MYO15B: variants seen among roughly 807,000 people sequenced by gnomAD.
The protein encoded by MYO15B is myosin XVB pseudogene.
MYO15B carries 207 observed loss-of-function variants against 119.3 expected under a neutral mutation model. The observed-to-expected ratio is 1.73, with a 90% CI of 1.55 to 1.95. MYO15B has a LOEUF of 1.95. MYO15B is among the 30% of genes most tolerant of loss of function. MYO15B has a pLI of 0.00. For synonymous variants in MYO15B, 966 were observed against 498.9 expected, an observed-to-expected ratio of 1.94 and a Z score of -12.48; for missense variants, 2,264 against 1,203.1, an observed-to-expected ratio of 1.88 and a Z score of -13.04.
chr17:75,617,970 G>A (rs890991692), intron 42 of MYO15B, 48 bp downstream of exon 42: 7 of 696,936 alleles, frequency 1.0e-5, no homozygotes, highest in African/African-American at 1.7e-5. Flanking sequence ...GGCTGGCAGG[G>A]AGGCGGCAGG....
At chr17:75,588,765 C>T in exon 1 of MYO15B, 1 of 398,738 alleles carries the variant, frequency 2.5e-6, no homozygotes, top group East Asian at 3.6e-5. Flanking sequence ...GCGAGCATTC[C>T]GGCGGGGACT....
At chr17:75,607,356 T>C (rs780391193) in intron 21 of MYO15B, among the ~76,000 whole-genome samples, 1 of 152,024 alleles carries the variant, frequency 6.6e-6, no homozygotes, top group Non-Finnish European at 1.5e-5. Context: ...TCACTTAACA[T>C]AATGTTTCAA....
intron 15 of MYO15B, among the ~76,000 whole-genome samples, chr17:75,601,907 G>C (rs972804300): frequency 2.6e-5 from 4 of 152,250 alleles, no homozygotes; most frequent in African/African-American, 9.6e-5. Context: ...GTTGCTGTGA[G>C]GGTGAGATGT....
At chr17:75,622,229 C>T in intron 53 of MYO15B, 149 bp downstream of exon 53, 1 of 623,988 alleles carries the variant, frequency 1.6e-6, no homozygotes. Flanking sequence ...GGCTGTGAAG[C>T]CAACAGGCTA....
At chr17:75,590,576 A>G (rs1215015110) in intron 1 of MYO15B, 50 bp from the exon 2 acceptor site, 3 of 275,908 alleles carry the variant, frequency 1.1e-5, no homozygotes, top group African/African-American at 6.6e-5. Context: ...ACTAACCCAC[A>G]ACCTCCTGCA....
In MYO15B at chr17:75,613,011, G is replaced by A; in HGVS notation, c.4769G>A (p.Trp1590Ter). The A allele has an allele frequency of 1.4e-6, 1 of 695,868 alleles. No homozygotes were observed. The allele number at this position is 695,868 out of a possible 1,614,324, so 43.1% of individuals were successfully genotyped here. The change falls in exon 27 of 64, where the codon TGG (tryptophan) becomes TAG (stop). Residue 1590 changes from tryptophan (W) to a stop codon, truncating the protein, a stop_gained. Coordinates refer to ENST00000645453, the Ensembl canonical transcript of MYO15B. LOFTEE classifies it high-confidence loss of function. Reference sequence around the variant, plus strand: ...CTGGGGGACGGATCCCTGGAGTCCTGGCAGAGGCAGATCATGGGCGCATAC... The same window carrying A: ...CTGGGGGACGGATCCCTGGAGTCCTAGCAGAGGCAGATCATGGGCGCATAC...
Position 75,589,350 on chromosome 17 carries a change from AG to A in MYO15B, c.1296del (p.Arg433GlyfsTer65). On this transcript the variant is annotated frameshift_variant, in exon 1 of 64. Transcript: ENST00000645453. LOFTEE classifies it high-confidence loss of function. The surrounding 1 kb of genome is among the most constrained non-coding windows in gnomAD (Gnocchi z 4.2). Reference sequence around the variant, plus strand: ...GGCGGGGCCGCGGGAAAGCGGATGAAGGGCGGGGCCACGAGCGAGGGGACGA... The same window carrying A: ...GGCGGGGCCGCGGGAAAGCGGATGAAGGCGGGGCCACGAGCGAGGGGACGA... 4.0e-6 allele frequency: 1 copy of A among 251,298 alleles called. No homozygotes were observed. The highest frequency in any genetic ancestry group is 9.5e-4 in the Middle Eastern group (1 of 1,054). The allele number at this position is 251,298 out of a possible 1,614,324, so 15.6% of individuals were successfully genotyped here.
At chr17:75,618,765 T>C (rs2058528636) in intron 43 of MYO15B, among the ~76,000 whole-genome samples, 1 of 142,620 alleles carries the variant, frequency 7.0e-6, no homozygotes, top group African/African-American at 2.5e-5. Flanking sequence ...TAATAAATGG[T>C]TGTCACTTTG....
At chr17:75,615,005 G>A (rs1232712752) in exon 33 of MYO15B, 7 of 702,892 alleles carry the variant, frequency 1.0e-5, no homozygotes, top group Non-Finnish European at 1.8e-5. Flanking sequence ...TGAAGGGAGG[G>A]GGCGCCATTG....
At chr17:75,617,217 C>T (rs2058428008) in exon 41 of MYO15B, 1 of 698,208 alleles carries the variant, frequency 1.4e-6, no homozygotes, top group Non-Finnish European at 2.6e-6. Flanking sequence ...TGGCCAGAAG[C>T]TGCCTATTGC....
At position 75,616,550 on chromosome 17, in the gene MYO15B, G is replaced by C. The variant is rs768856110; in HGVS notation, c.6271G>C (p.Val2091Leu). The change falls in exon 39 of 64, where the codon GTG (valine) becomes CTG (leucine). Residue 2091 changes from valine (V) to leucine (L), a missense_variant. Val to Leu is a conservative substitution (Grantham distance 32). Transcript: ENST00000645453. ...GCCGTCCCCTCCTCCTCCCCCCATCGTGAAGAAGCCATTGAAGCAAGGTGG... is the reference window on the plus strand; with the variant it reads ...GCCGTCCCCTCCTCCTCCCCCCATCCTGAAGAAGCCATTGAAGCAAGGTGG... 13 of 702,846 alleles carry C rather than the reference G, an allele frequency of 1.8e-5. No individual in the cohort carries two copies. The East Asian group carries it at 3.2e-4, about 17-fold the overall frequency. 43.5% of individuals were successfully genotyped at this position (702,846 alleles called of 1,614,324 possible). A position where few individuals can be genotyped will look rare whatever the true frequency, so the allele number is the denominator to read the frequency against.
At chr17:75,605,422 G>GC (rs1228065586) in intron 19 of MYO15B, 82 bp from the exon 20 acceptor site, 7 of 641,096 alleles carry the variant, frequency 1.1e-5, no homozygotes, top group Non-Finnish European at 1.9e-5. Context: ...GGGCAAAAGA[G>GC]CGAGACTCCG....
In MYO15B at chr17:75,620,039, T is replaced by C. The variant is rs1200556468; in HGVS notation, c.7443+19T>C. 4.3e-6 allele frequency: 3 copies of C among 693,662 alleles called. No homozygotes were observed. In the African/African-American group the frequency reaches 5.3e-5, roughly 12 times the overall value. 43.0% of individuals were successfully genotyped at this position (693,662 alleles called of 1,614,324 possible). A position where few individuals can be genotyped will look rare whatever the true frequency, so the allele number is the denominator to read the frequency against. ...TAAGAAGGTAAGTGTGGGGCACGGG[T>C]TGAGAGGCCGGGCAGACAGCCCTCA... is the stretch of plus-strand genomic sequence containing the variant. On this transcript the variant is annotated intron_variant, in intron 47 of 63. Transcript: ENST00000645453.
At chr17:75,613,125 A>G (rs771296071) in exon 27 of MYO15B, 1 of 702,736 alleles carries the variant, frequency 1.4e-6, no homozygotes, top group South Asian at 1.5e-5. Context: ...CCAGATGAAC[A>G]GCAGAGCCAG....
At position 75,616,618 on chromosome 17, in the gene MYO15B, G is replaced by GACAGTGGC; in HGVS notation, c.6343_6344insTGGCACAG (p.Ala2115ValfsTer64). The stretch of plus-strand genomic sequence containing the variant: ...AGGCTGAGGCTGAGCCAGCCAAGGA[G>GACAGTGGC]ACAGCGGCCAAGGGCCATGGCCAAG... On this transcript the variant is annotated frameshift_variant, in exon 39 of 64. Transcript: ENST00000645453. LOFTEE classifies it high-confidence loss of function. The GACAGTGGC allele has an allele frequency of 1.4e-6, 1 of 703,066 alleles. No individual in the cohort carries two copies. Among genetic ancestry groups the GACAGTGGC allele is most frequent in the Non-Finnish European group, 2.6e-6 (1 of 385,030 alleles). 43.6% of individuals were successfully genotyped at this position (703,066 alleles called of 1,614,324 possible).
intron 41 of MYO15B, 82 bp from the exon 42 acceptor site, chr17:75,617,728 A>C: frequency 3.2e-6 from 2 of 634,414 alleles, no homozygotes; most frequent in South Asian, 3.5e-5. Context: ...GCTCGTGGGG[A>C]TGAAGGTCTT....
At chr17:75,617,286 C>T (rs1448827038) in exon 41 of MYO15B, 1 of 650,672 alleles carries the variant, frequency 1.5e-6, no homozygotes, top group Admixed American at 2.6e-5. Context: ...CCCAGGGACC[C>T]TTTCAGCAGA....
At chr17:75,621,440 T>C (rs755188750) in intron 51 of MYO15B, 32 bp downstream of exon 51, 1 of 698,970 alleles carries the variant, frequency 1.4e-6, no homozygotes. Context: ...GTCTGGCCCG[T>C]AGATCTGCCC....
intron 53 of MYO15B, among the ~76,000 whole-genome samples, chr17:75,622,750 G>A (rs1300773100): frequency 6.6e-6 from 1 of 152,170 alleles, no homozygotes; most frequent in Non-Finnish European, 1.5e-5. Context: ...AGCAGAGTGT[G>A]CTGACCAATT....
Sources: gnomAD v4.1 joint callset for allele counts (sites outside exome capture counted in the v4.1 genomes callset) on GRCh38, gnomAD v4.1.1 for gene constraint, Gnocchi (gnomAD v3.1) non-coding constraint, MANE v1.5 for transcripts, NCBI Gene and HGNC (gene_info 2026-07-23, HGNC 2026-07-21) for gene names.